The following CCDC27 variants were observed in gnomAD, a reference collection of about 807,000 sequenced individuals.
CCDC27 encodes the protein coiled-coil domain-containing protein 27.
In CCDC27, 80 loss-of-function variants were observed where a neutral mutation model predicts 80.3. The ratio of observed to expected loss-of-function variants is 1.00; its 90% CI spans 0.83 to 1.20. CCDC27 has a LOEUF of 1.20. CCDC27 is among the 50% of genes most tolerant of loss of function. The probability of loss-of-function intolerance (pLI) is 0.00; values close to 1 mark genes in which losing one functional copy is unlikely to be tolerated. For synonymous variants in CCDC27, 342 were observed against 334.3 expected (o/e 1.02, Z -0.25); for missense variants, 815 against 809.4 (o/e 1.01, Z -0.08).
At chr1:3,765,503 T>TA (rs1643207124) in intron 8 of CCDC27, among the ~76,000 whole-genome samples, 1 of 152,242 alleles carries the variant, frequency 6.6e-6, no homozygotes. Flanking sequence ...CTTTGTCTCT[T>TA]ACCGATACTT....
At position 3,761,553 on chromosome 1, in the gene CCDC27, C is replaced by T. The variant is rs1271880734; in HGVS notation, c.861+123C>T. On this transcript the variant is annotated intron_variant, in intron 5 of 11. Transcript: ENST00000294600. This position sits in a 1 kb window ranked among gnomAD's most constrained non-coding sequence, Gnocchi z 5.0. ...CAGGCCCCCTGGATCCTATCAGGTC[C>T]TCACTGGAACGTGGACCGGTTCTCA... 3 of 1,140,508 alleles carry T rather than the reference C, an allele frequency of 2.6e-6. No homozygotes were observed. The highest frequency in any genetic ancestry group is 2.8e-5 in the Admixed American group (1 of 36,098). 70.6% of individuals were successfully genotyped at this position (1,140,508 alleles called of 1,614,324 possible).
chr1:3,754,327 C>T lies in CCDC27; in HGVS notation c.442+86C>T, dbSNP rs540137045. 3.9e-4 allele frequency: 561 copies of T among 1,441,624 alleles called. 1 individual carries two copies. The highest frequency in any genetic ancestry group is 1.7e-3 in the Admixed American group (64 of 38,380). 89.3% of individuals were successfully genotyped at this position (1,441,624 alleles called of 1,614,324 possible). A position where few individuals can be genotyped will look rare whatever the true frequency, so the allele number is the denominator to read the frequency against. On this transcript the variant is annotated intron_variant, in intron 2 of 11. Coordinates refer to ENST00000294600, the MANE Select transcript of CCDC27 (RefSeq NM_152492.3). ...AGGCCTTCCTGCACCCTTCAGCCTG[C>T]GAGCAGCCGCCAGAGTTGGCCTCCA... is the stretch of plus-strand genomic sequence containing the variant.
chr1:3,755,522 C>T lies in CCDC27; in HGVS notation c.508C>T (p.Gln170Ter), dbSNP rs1642931177. ...CAGCTCGGAGACCTGGAGAGGCACC[C>T]AGGACCTGTTCTTGGCCAGGCGGGG... ...DNSSETWRGT[Q>*]DLFLARRGSD... Residue 170 changes from glutamine to a stop codon, truncating the protein, a stop_gained, in exon 3 of 12, where the codon CAG becomes TAG. Transcript: ENST00000294600. LOFTEE classifies it high-confidence loss of function. The T allele has an allele frequency of 6.2e-7, 1 of 1,614,034 alleles. No homozygotes were observed. Among genetic ancestry groups the T allele is most frequent in the African/African-American group, 1.3e-5 (1 of 74,946 alleles).
chr1:3,759,469 G>T (rs1643037912), intron 4 of CCDC27, among the ~76,000 whole-genome samples: 1 of 152,096 alleles, frequency 6.6e-6, no homozygotes, highest in Non-Finnish European at 1.5e-5. Flanking sequence ...TTCCCCATTG[G>T]TCTCATTGGA....
chr1:3,759,069 T>C (rs189348438), intron 4 of CCDC27, among the ~76,000 whole-genome samples: 1,794 of 144,262 alleles, frequency 0.012, 38 homozygotes, highest in African/African-American at 0.045. Flanking sequence ...AAAAAAAAAA[T>C]AGCTGGACGT....
At position 3,760,441 on chromosome 1, in the gene CCDC27, A is replaced by G. The variant is rs1159393960; in HGVS notation, c.712-840A>G. ...GGGATTAATTTTAGTTCTTTTTCTG[A>G]ACTCTTGAGATAGATACTTGGGTCA... On this transcript the variant is annotated intron_variant, in intron 4 of 11. Coordinates refer to ENST00000294600, the MANE Select transcript of CCDC27 (RefSeq NM_152492.3). This position sits in a 1 kb window ranked among gnomAD's most constrained non-coding sequence, Gnocchi z 4.3. Among the ~76,000 whole-genome samples, 1 of 151,808 alleles carries G rather than the reference A, an allele frequency of 6.6e-6. No homozygotes were observed. Among genetic ancestry groups the G allele is most frequent in the Non-Finnish European group, 1.5e-5 (1 of 67,978 alleles).
rs1643294219 is a variant in CCDC27 at position 3,768,912 on chromosome 1, G to A, written c.1744-871G>A. 6.6e-6 allele frequency among the ~76,000 whole-genome samples: 1 copy of A among 152,144 alleles called. No homozygotes were observed. Among genetic ancestry groups the A allele is most frequent in the African/African-American group, 2.4e-5 (1 of 41,418 alleles). Reference sequence around the variant, plus strand: ...TTGGGCGCTCAATAAATACTGGAAAGAAGGAAAGGATTCCACTCCTCACAC... The same window carrying A: ...TTGGGCGCTCAATAAATACTGGAAAAAAGGAAAGGATTCCACTCCTCACAC... On this transcript the variant is annotated intron_variant, in intron 10 of 11. Coordinates refer to ENST00000294600, the MANE Select transcript of CCDC27 (RefSeq NM_152492.3). This position sits in a 1 kb window ranked among gnomAD's most constrained non-coding sequence, Gnocchi z 5.6.
At position 3,760,922 on chromosome 1, in the gene CCDC27, G is replaced by T. The variant is rs911898678; in HGVS notation, c.712-359G>T. Among the ~76,000 whole-genome samples the T allele has an allele frequency of 3.3e-5, 5 of 152,184 alleles. No individual in the cohort carries two copies. The highest frequency in any genetic ancestry group is 1.2e-4 in the African/African-American group (5 of 41,436). On this transcript the variant is annotated intron_variant, in intron 4 of 11. Transcript: ENST00000294600. The surrounding 1 kb of genome is among the most constrained non-coding windows in gnomAD (Gnocchi z 4.3). ...GGAGGGTGTTGCCGGTTAAGTGTCG[G>T]GGCTGCAAAGAAGACTGGTGTCCTG...
intron 5 of CCDC27, 139 bp from the exon 6 acceptor site, chr1:3,762,481 C>T (rs1643111417): frequency 5.9e-6 from 4 of 674,750 alleles, no homozygotes; most frequent in South Asian, 2.0e-5. Context: ...CACCCACATC[C>T]CCCAGCCCCT....
At chr1:3,753,218 C>T (rs375112901) in intron 1 of CCDC27, among the ~76,000 whole-genome samples, 1 of 152,122 alleles carries the variant, frequency 6.6e-6, no homozygotes, top group African/African-American at 2.4e-5. Flanking sequence ...GCTGTGCCAC[C>T]GTGTACTGGG....
intron 2 of CCDC27, among the ~76,000 whole-genome samples, chr1:3,754,771 A>G (rs1407869113): frequency 7.1e-6 from 1 of 140,184 alleles, no homozygotes; most frequent in East Asian, 2.3e-4. Flanking sequence ...GACTGGTTCC[A>G]TGTCCCCACA....
Position 3,763,203 on chromosome 1 carries a change from G to A in CCDC27, c.1050G>A (p.Val350=), listed in dbSNP as rs1476967371. Reference sequence around the variant, plus strand: ...GCCTGGAAGGGGAGCCCGATGGGGTGGAGGACACGGGTGCCTGGGGAGGTG... The same window carrying A: ...GCCTGGAAGGGGAGCCCGATGGGGTAGAGGACACGGGTGCCTGGGGAGGTG... ...DEGLEGEPDG[V]EDTGAWGGVS... is the part of the protein sequence containing the mutation. Residue 350 remains valine, a synonymous_variant, in exon 7 of 12, where the codon GTG becomes GTA. Transcript: ENST00000294600. This position sits in a 1 kb window ranked among gnomAD's most constrained non-coding sequence, Gnocchi z 7.5. 6.5e-7 allele frequency: 1 copy of A among 1,529,516 alleles called. No homozygotes were observed. 94.7% of individuals were successfully genotyped at this position (1,529,516 alleles called of 1,614,324 possible).
In CCDC27 at chr1:3,753,018, C is replaced by A. The variant is rs528152433; in HGVS notation, c.318+219C>A. 2.0e-5 allele frequency among the ~76,000 whole-genome samples: 3 copies of A among 152,332 alleles called. No homozygotes were observed. In the East Asian group the frequency reaches 5.8e-4, roughly 29 times the overall value. ...CTGAAGGGCCTGGTGCCTTAGTCCC[C>A]ACATGCCACCGGCTTCTTCTGGGTT... On this transcript the variant is annotated intron_variant, in intron 1 of 11. Coordinates refer to ENST00000294600, the MANE Select transcript of CCDC27 (RefSeq NM_152492.3).
rs1557634405 is a variant in CCDC27 at position 3,771,411 on chromosome 1, CAGAG to C, written c.1863_1866del (p.Arg622AlafsTer7). 2 of 1,614,016 alleles carry C rather than the reference CAGAG, an allele frequency of 1.2e-6. No individual in the cohort carries two copies. The highest frequency in any genetic ancestry group is 1.1e-5 in the South Asian group (1 of 91,080). The stretch of plus-strand genomic sequence containing the variant: ...GTGTTTCTTGTGTAGAGAATTATCT[CAGAG>C]AGAAGCGACTACTATAATCAGCTGA... On this transcript the variant is annotated frameshift_variant, in exon 12 of 12. Coordinates refer to ENST00000294600, the MANE Select transcript of CCDC27 (RefSeq NM_152492.3). LOFTEE classifies it low-confidence loss of function (END_TRUNC).
chr1:3,752,690 T>A lies in CCDC27; in HGVS notation c.209T>A (p.Leu70His). The part of the protein sequence containing the change: ...SSSMARALVL[L>H]QSMASRDARC... ...TCGATGGCCAGGGCCCTGGTGCTCCTCCAGAGCATGGCCAGCCGGGACGCC... is the reference window on the plus strand; with the variant it reads ...TCGATGGCCAGGGCCCTGGTGCTCCACCAGAGCATGGCCAGCCGGGACGCC... The change falls in exon 1 of 12, where the codon CTC (leucine) becomes CAC (histidine). Residue 70 changes from leucine to histidine, a missense_variant. By Grantham distance (99) the Leu-to-His change is moderately conservative. Coordinates refer to ENST00000294600, the MANE Select transcript of CCDC27 (RefSeq NM_152492.3). The A allele has an allele frequency of 6.2e-7, 1 of 1,613,954 alleles. No homozygotes were observed. The highest frequency in any genetic ancestry group is 8.5e-7 in the Non-Finnish European group (1 of 1,180,028).
At position 3,768,602 on chromosome 1, in the gene CCDC27, G is replaced by T. The variant is rs748512520; in HGVS notation, c.1743+1157G>T. On this transcript the variant is annotated intron_variant, in intron 10 of 11. Coordinates refer to ENST00000294600, the MANE Select transcript of CCDC27 (RefSeq NM_152492.3). This position sits in a 1 kb window ranked among gnomAD's most constrained non-coding sequence, Gnocchi z 5.6. ...CAGTTTGGGATCCAGCCGTAGTCCT[G>T]GTGAAAGCGTTAGACCAGAGGCGGT... Among the ~76,000 whole-genome samples the T allele has an allele frequency of 3.3e-5, 5 of 152,160 alleles. No homozygotes were observed. The highest frequency in any genetic ancestry group is 7.3e-5 in the Non-Finnish European group (5 of 68,032).
rs1246673939 is a variant in CCDC27, at chr1:3,768,436, G to GGAT, written c.1743+992_1743+993insATG. On this transcript the variant is annotated intron_variant, in intron 10 of 11. Coordinates refer to ENST00000294600, the MANE Select transcript of CCDC27 (RefSeq NM_152492.3). This position sits in a 1 kb window ranked among gnomAD's most constrained non-coding sequence, Gnocchi z 5.6. ...GAATCCAAAATTAAGCAAAGGTCAA[G>GGAT]GTCATGTATGGAGGCTTTTGAAGTC... 6.6e-6 allele frequency among the ~76,000 whole-genome samples: 1 copy of GGAT among 152,166 alleles called. No homozygotes were observed. The highest frequency in any genetic ancestry group is 3.2e-3 in the Middle Eastern group (1 of 316).
Position 3,767,349 on chromosome 1 carries a change from G to A in CCDC27, c.1647G>A (p.Arg549=), listed in dbSNP as rs1208114659. The change falls in exon 10 of 12, where the codon AGG becomes AGA. Residue 549 remains arginine, a synonymous_variant. Coordinates refer to ENST00000294600, the MANE Select transcript of CCDC27 (RefSeq NM_152492.3). ...QVELDQNHLQ[R]WKQLQEDLQS... The stretch of plus-strand genomic sequence containing the variant: ...AACTGGACCAGAACCACCTGCAGAG[G>A]TGGAAGCAGCTGCAGGAGGATTTGC... 6.2e-7 allele frequency: 1 copy of A among 1,614,034 alleles called. No homozygotes were observed. The highest frequency in any genetic ancestry group is 1.7e-5 in the Admixed American group (1 of 60,028).
At chr1:3,757,112 T>C in intron 4 of CCDC27, 3 of 471,142 alleles carry the variant, frequency 6.4e-6, no homozygotes, top group South Asian at 2.6e-5. Context: ...GGCATGGAAC[T>C]CAGACTCACC....
Sources: gnomAD v4.1 joint callset for allele counts (sites outside exome capture counted in the v4.1 genomes callset) on GRCh38, gnomAD v4.1.1 for gene constraint, Gnocchi (gnomAD v3.1) non-coding constraint, MANE v1.5 for transcripts, NCBI Gene and HGNC (gene_info 2026-07-23, HGNC 2026-07-21) for gene names.